PLCE1: variants seen among roughly 807,000 people sequenced by gnomAD.
PLCE1 encodes 1-phosphatidylinositol 4,5-bisphosphate phosphodiesterase epsilon-1.
PLCE1 carries 119 observed loss-of-function variants against 242.8 expected under a neutral mutation model. The ratio of observed to expected loss-of-function variants is 0.49; its 90% confidence interval spans 0.42 to 0.57. The LOEUF is 0.57. PLCE1 is among the 20% of genes least tolerant of loss of function. The probability of loss-of-function intolerance (pLI) is 0.00; values close to 1 mark genes in which losing one functional copy is unlikely to be tolerated. For synonymous variants in PLCE1, 945 were observed against 1,017.4 expected, an observed-to-expected ratio of 0.93 and a Z score of 1.35; for missense variants, 2,441 against 2,788.8, an observed-to-expected ratio of 0.88 and a Z score of 2.81.
Position 94,306,594 on chromosome 10 carries a change from C to A in PLCE1, c.5790C>A (p.Phe1930Leu). ...WNEQFLFHVH[F>L]EDLVFLRFAV... The stretch of plus-strand genomic sequence containing the variant: ...AGCAGTTTCTGTTCCACGTTCACTT[C>A]GAAGATCTTGTATTTCTTCGTTTTG... Residue 1930 changes from phenylalanine to leucine, a missense_variant, in exon 26 of 33, where the codon TTC becomes TTA. Phe to Leu is a conservative substitution (Grantham distance 22). This residue lies in a region of PLCE1 where 1,004 missense variants were observed against 1,322.7 expected (regional missense o/e 0.76). Transcript: ENST00000371380. This position sits in a 1 kb window ranked among gnomAD's most constrained non-coding sequence, Gnocchi z 5.7. The A allele has an allele frequency of 1.2e-6, 2 of 1,614,052 alleles. No individual in the cohort carries two copies. The highest frequency in any genetic ancestry group is 8.5e-7 in the Non-Finnish European group (1 of 1,179,944).
At chr10:94,137,426 T>C (rs193032679) in intron 3 of PLCE1, among the ~76,000 whole-genome samples, 1 of 152,320 alleles carries the variant, frequency 6.6e-6, no homozygotes, top group Admixed American at 6.5e-5. Context: ...AAAATTGAGA[T>C]AACTGATGGT....
At position 94,246,581 on chromosome 10, in the gene PLCE1, G is replaced by A. The variant is rs1276478450; in HGVS notation, c.3056G>A (p.Arg1019Lys). The stretch of plus-strand genomic sequence containing the variant: ...AAGATGAGGAAATTCCCTGACCAAA[G>A]ACAGCAGTGGCTGCGGAAACAGTAC... ...VRKMRKFPDQ[R>K]QQWLRKQYVS... Residue 1019 changes from arginine to lysine, a missense_variant, in exon 8 of 33, where the codon AGA becomes AAA. Physicochemically the swap from Arg to Lys is conservative, Grantham distance 26. Transcript: ENST00000371380. The A allele has an allele frequency of 1.2e-6, 2 of 1,614,170 alleles. No homozygotes were observed. The highest frequency in any genetic ancestry group is 1.7e-6 in the Non-Finnish European group (2 of 1,180,024).
In PLCE1 at chr10:94,262,756, A is replaced by G. The variant is rs540545609; in HGVS notation, c.4053+24A>G. 6.9e-6 allele frequency: 10 copies of G among 1,444,296 alleles called. No individual in the cohort carries two copies. The Admixed American group carries it at 1.5e-4, about 22-fold the overall frequency. The allele number at this position is 1,444,296 out of a possible 1,614,324, so 89.5% of individuals were successfully genotyped here. ...AGGTTTGTGCCTGTTTTGTGTGTGCATGTGTGTGTGATGCCTCTGGCTATT... is the reference window on the plus strand; with the variant it reads ...AGGTTTGTGCCTGTTTTGTGTGTGCGTGTGTGTGTGATGCCTCTGGCTATT... On this transcript the variant is annotated intron_variant, in intron 14 of 32. Transcript: ENST00000371380.
At chr10:94,076,939 C>A (rs542694372) in intron 2 of PLCE1, among the ~76,000 whole-genome samples, 1 of 151,968 alleles carries the variant, frequency 6.6e-6, no homozygotes, top group Non-Finnish European at 1.5e-5. Flanking sequence ...TAAAATCTAC[C>A]AAGCTGAAAC....
At chr10:94,269,442 A>G (rs997622972) in intron 17 of PLCE1, among the ~76,000 whole-genome samples, 3 of 151,870 alleles carry the variant, frequency 2.0e-5, no homozygotes, top group African/African-American at 7.3e-5. Context: ...ACCAAATTAC[A>G]CCTTAGATCA....
At chr10:94,008,456 G>C (rs991577294) in intron 1 of PLCE1, among the ~76,000 whole-genome samples, 15 of 152,068 alleles carry the variant, frequency 9.9e-5, no homozygotes, top group Middle Eastern at 3.4e-3. Flanking sequence ...TTACAGGTGC[G>C]TGCTACCACA....
intron 19 of PLCE1, among the ~76,000 whole-genome samples, chr10:94,274,738 C>T (rs993491546): frequency 2.0e-5 from 3 of 152,156 alleles, no homozygotes; most frequent in African/African-American, 7.2e-5. Flanking sequence ...GCCCCAAGGG[C>T]CACCAGTTGG....
At chr10:94,272,686 G>A (rs1025362117) in intron 18 of PLCE1, among the ~76,000 whole-genome samples, 4 of 152,086 alleles carry the variant, frequency 2.6e-5, no homozygotes, top group South Asian at 2.1e-4. Context: ...TGGTCCCTCC[G>A]TTCGGGATCC....
At chr10:94,164,943 A>G (rs1042995175) in intron 3 of PLCE1, among the ~76,000 whole-genome samples, 3 of 152,180 alleles carry the variant, frequency 2.0e-5, no homozygotes, top group Non-Finnish European at 4.4e-5. Context: ...GAGGCTGCAG[A>G]ACAGTGGATA....
intron 32 of PLCE1, among the ~76,000 whole-genome samples, chr10:94,326,279 CAATT>C (rs907610255): frequency 6.6e-6 from 1 of 152,282 alleles, no homozygotes; most frequent in African/African-American, 2.4e-5. Flanking sequence ...CAGAAACTCA[CAATT>C]AAAGAACTCA....
At chr10:94,262,460 A>G (rs913682769) in intron 13 of PLCE1, 34 bp from the exon 14 acceptor site, 17 of 1,402,124 alleles carry the variant, frequency 1.2e-5, no homozygotes, top group East Asian at 2.3e-5. Context: ...GATGCTGGCT[A>G]TCTTGTCCAT....
intron 1 of PLCE1, among the ~76,000 whole-genome samples, chr10:94,001,543 T>C (rs1002593837): frequency 1.3e-5 from 2 of 152,148 alleles, no homozygotes; most frequent in African/African-American, 4.8e-5. Flanking sequence ...TCACTTTAGG[T>C]TTAAACTATA....
chr10:94,260,720 G>C (rs561907269), intron 13 of PLCE1, among the ~76,000 whole-genome samples: 2 of 151,150 alleles, frequency 1.3e-5, no homozygotes, highest in South Asian at 2.1e-4. Flanking sequence ...GTAGAGACAG[G>C]GTCTTGCTCT....
chr10:94,248,395 G>A (rs1046032747), intron 8 of PLCE1, among the ~76,000 whole-genome samples: 5 of 152,182 alleles, frequency 3.3e-5, no homozygotes, highest in African/African-American at 9.6e-5. Context: ...GAGGTCAGGA[G>A]TTCGAGACCA....
intron 13 of PLCE1, 86 bp downstream of exon 13, chr10:94,259,236 T>G: frequency 7.4e-7 from 1 of 1,350,312 alleles, no homozygotes. Context: ...ACTCTGAGCC[T>G]GTCCCACATA....
chr10:94,209,238 G>T (rs1463971194), intron 4 of PLCE1, among the ~76,000 whole-genome samples: 1 of 152,166 alleles, frequency 6.6e-6, no homozygotes, highest in Non-Finnish European at 1.5e-5. Flanking sequence ...TGTGCTACAG[G>T]TGTTGAGTAT....
At chr10:94,301,906 C>T in intron 24 of PLCE1, among the ~76,000 whole-genome samples, 1 of 152,152 alleles carries the variant, frequency 6.6e-6, no homozygotes, top group South Asian at 2.1e-4. Context: ...GAATGACAGA[C>T]TTCCAATCCT....
chr10:94,246,693 C>G (rs1350728957), intron 8 of PLCE1, 72 bp downstream of exon 8: 1 of 1,388,028 alleles, frequency 7.2e-7, no homozygotes, highest in Non-Finnish European at 1.0e-6. Context: ...GACCAGACCA[C>G]CAGGTTCATG....
At chr10:94,025,698 C>G (rs1323366707) in intron 1 of PLCE1, among the ~76,000 whole-genome samples, 1 of 152,108 alleles carries the variant, frequency 6.6e-6, no homozygotes, top group Non-Finnish European at 1.5e-5. Flanking sequence ...CAGACGGATC[C>G]AAAGCTTACC....
Sources: allele counts gnomAD v4.1 joint callset (sites outside exome capture counted in the v4.1 genomes callset), GRCh38; gene constraint gnomAD v4.1.1; regional missense constraint gnomAD v4.1.1; non-coding constraint Gnocchi (gnomAD v3.1); transcripts MANE v1.5; gene names NCBI Gene and HGNC (gene_info 2026-07-23, HGNC 2026-07-21).